The following CDYL2 variants were observed in gnomAD, a reference collection of about 807,000 sequenced individuals.
CDYL2 encodes the protein chromodomain Y like 2, also known as chromodomain Y-like protein 2.
CDYL2 carries 23 observed loss-of-function variants against 49.4 expected under a neutral mutation model. That is an observed-to-expected ratio of 0.47 (90% CI 0.34 to 0.66). The LOEUF is 0.66. Ranked by LOEUF, CDYL2 falls within the 30% of genes least tolerant of loss-of-function variation. The probability of loss-of-function intolerance (pLI) is 0.01; values close to 1 mark genes in which losing one functional copy is unlikely to be tolerated. For synonymous variants in CDYL2, 360 were observed against 268.8 expected (o/e 1.34, Z -3.32); for missense variants, 678 against 656.4 (o/e 1.03, Z -0.36).
intron 3 of CDYL2, among the ~76,000 whole-genome samples, chr16:80,624,176 G>A (rs1383729620): frequency 6.6e-6 from 1 of 152,220 alleles, no homozygotes; most frequent in Non-Finnish European, 1.5e-5. Flanking sequence ...CAGTTGGCCA[G>A]GCTGAAAAGG....
intron 3 of CDYL2, among the ~76,000 whole-genome samples, chr16:80,628,739 C>T (rs1220187319): frequency 2.6e-5 from 4 of 152,238 alleles, no homozygotes; most frequent in African/African-American, 9.6e-5. Context: ...ATATCCCTTG[C>T]AGCACCTAGT....
At chr16:80,647,126 A>G (rs1399929801) in intron 2 of CDYL2, among the ~76,000 whole-genome samples, 3 of 152,208 alleles carry the variant, frequency 2.0e-5, no homozygotes, top group Non-Finnish European at 4.4e-5. Flanking sequence ...AAATAAAATT[A>G]AATACCTAGG....
chr16:80,599,694 T>C lies in CDYL2; in HGVS notation c.*4694A>G, dbSNP rs1036991879. The C allele has an allele frequency of 6.6e-6, 1 of 152,180 alleles. No homozygotes were observed. The highest frequency in any genetic ancestry group is 2.1e-4 in the South Asian group (1 of 4,832). The allele number at this position is 152,180 out of a possible 1,614,324, so 9.4% of individuals were successfully genotyped here. ...GTGCTGACCTTACCCAGAATGGACG[T>C]TTCCAAGTCATCGACAAGGAATCTG... On this transcript the variant is annotated 3_prime_UTR_variant, in exon 7 of 7. Coordinates refer to ENST00000570137, the MANE Select transcript of CDYL2 (RefSeq NM_152342.4).
At chr16:80,636,863 C>G (rs1296754908) in intron 2 of CDYL2, among the ~76,000 whole-genome samples, 1 of 152,166 alleles carries the variant, frequency 6.6e-6, no homozygotes, top group East Asian at 1.9e-4. Flanking sequence ...CCATGGAATA[C>G]TATGCAGCCA....
intron 1 of CDYL2, among the ~76,000 whole-genome samples, chr16:80,801,536 G>A (rs943704550): frequency 3.3e-5 from 5 of 152,218 alleles, no homozygotes; most frequent in Non-Finnish European, 7.3e-5. Flanking sequence ...ACACACAGGT[G>A]AAATATATCA....
chr16:80,749,182 C>T (rs934527458), intron 1 of CDYL2, among the ~76,000 whole-genome samples: 1 of 152,108 alleles, frequency 6.6e-6, no homozygotes, highest in Non-Finnish European at 1.5e-5. Context: ...TTCCAATTTT[C>T]CTCTGGTATT....
intron 1 of CDYL2, among the ~76,000 whole-genome samples, chr16:80,800,286 G>C (rs1445894553): frequency 6.6e-6 from 1 of 152,102 alleles, no homozygotes; most frequent in African/African-American, 2.4e-5. Flanking sequence ...CTACACCCTG[G>C]ATCAGACTTA....
At chr16:80,611,170 A>C (rs1277070305) in intron 5 of CDYL2, among the ~76,000 whole-genome samples, 2 of 152,146 alleles carry the variant, frequency 1.3e-5, no homozygotes, top group African/African-American at 4.8e-5. Flanking sequence ...ACCTCCTTCC[A>C]AGACAGAGAG....
intron 3 of CDYL2, chr16:80,628,322 T>C (rs1440805257): frequency 6.6e-6 from 1 of 152,212 alleles, no homozygotes; most frequent in Non-Finnish European, 1.5e-5. Flanking sequence ...TGATGGCAGG[T>C]CATCTTCAGG....
chr16:80,669,227 C>A (rs1158500635), intron 2 of CDYL2, among the ~76,000 whole-genome samples: 1 of 151,952 alleles, frequency 6.6e-6, no homozygotes, highest in African/African-American at 2.4e-5. Context: ...GGGAAGACGA[C>A]AGGCCAAGGT....
chr16:80,687,595 G>A (rs765859723), intron 1 of CDYL2, among the ~76,000 whole-genome samples: 3 of 152,224 alleles, frequency 2.0e-5, no homozygotes, highest in Middle Eastern at 3.4e-3. Flanking sequence ...GACAGATGTG[G>A]GATGGATGAA....
intron 2 of CDYL2, among the ~76,000 whole-genome samples, chr16:80,659,381 A>G (rs1908948144): frequency 6.6e-6 from 1 of 152,202 alleles, no homozygotes; most frequent in Admixed American, 6.5e-5. Flanking sequence ...TCTAAAAGAC[A>G]TTATTGCGGT....
intron 1 of CDYL2, chr16:80,738,690 G>A (rs1381916569): frequency 1.3e-5 from 2 of 152,196 alleles, no homozygotes; most frequent in Admixed American, 6.5e-5. Context: ...ATTAACTGTG[G>A]TGATGTTGCA....
chr16:80,780,247 G>A (rs2142403931), intron 1 of CDYL2, among the ~76,000 whole-genome samples: 1 of 152,048 alleles, frequency 6.6e-6, no homozygotes, highest in Middle Eastern at 3.4e-3. Context: ...TTTTTTAAAG[G>A]TCAGATTTTA....
intron 1 of CDYL2, among the ~76,000 whole-genome samples, chr16:80,693,215 C>G (rs555477055): frequency 6.6e-6 from 1 of 151,894 alleles, no homozygotes; most frequent in East Asian, 1.9e-4. Flanking sequence ...ATTGGATTTG[C>G]GTGGTGAGGT....
At chr16:80,793,596 A>C (rs1001425683) in intron 1 of CDYL2, among the ~76,000 whole-genome samples, 7 of 152,232 alleles carry the variant, frequency 4.6e-5, no homozygotes, top group African/African-American at 1.2e-4. Flanking sequence ...CAGGTCCAGC[A>C]AAGTGCCACA....
intron 1 of CDYL2, among the ~76,000 whole-genome samples, chr16:80,780,133 C>A (rs918553060): frequency 1.3e-5 from 2 of 151,944 alleles, no homozygotes; most frequent in African/African-American, 2.4e-5. Flanking sequence ...TTTTTTTAAT[C>A]ATGAAAAATA....
intron 1 of CDYL2, among the ~76,000 whole-genome samples, chr16:80,803,538 G>C (rs1907992599): frequency 6.6e-6 from 1 of 151,878 alleles, no homozygotes; most frequent in South Asian, 2.1e-4. Context: ...GGGGGTGAGG[G>C]AGGTGGCCCG....
intron 1 of CDYL2, among the ~76,000 whole-genome samples, chr16:80,704,670 A>G (rs759385066): frequency 6.6e-6 from 1 of 152,224 alleles, no homozygotes; most frequent in Non-Finnish European, 1.5e-5. Context: ...TGATTGGAAC[A>G]GGGCATGCGG....
Sources: gnomAD v4.1 joint callset for allele counts (sites outside exome capture counted in the v4.1 genomes callset) on GRCh38, gnomAD v4.1.1 for gene constraint, MANE v1.5 for transcripts, NCBI Gene and HGNC (gene_info 2026-07-23, HGNC 2026-07-21) for gene names.